The following PXDNL variants were observed in gnomAD, a reference collection of about 807,000 sequenced individuals.
PXDNL encodes peroxidasin like.
In PXDNL, 145 loss-of-function variants were observed where a neutral mutation model predicts 150.8. The observed-to-expected ratio is 0.96, with a 90% CI of 0.84 to 1.10. PXDNL has a LOEUF of 1.10. Ranked by LOEUF, PXDNL falls within the 50% of genes least tolerant of loss-of-function variation. PXDNL has a pLI of 0.00. For missense variants in PXDNL, 2,087 were observed against 1,873.9 expected (o/e 1.11, Z -2.10); for synonymous variants, 757 against 725.7 (o/e 1.04, Z -0.69).
chr8:51,518,201 C>T (rs1208937032), intron 4 of PXDNL, among the ~76,000 whole-genome samples: 1 of 152,162 alleles, frequency 6.6e-6, no homozygotes, highest in Non-Finnish European at 1.5e-5. Context: ...TCTGTGAGGA[C>T]TTCTGTAAAC....
intron 2 of PXDNL, among the ~76,000 whole-genome samples, chr8:51,596,432 G>T (rs1813565033): frequency 6.6e-6 from 1 of 152,090 alleles, no homozygotes; most frequent in Admixed American, 6.6e-5. Flanking sequence ...GGATTGCTGG[G>T]TCAACTGGTA....
At chr8:51,434,694 T>A (rs553201079) in intron 12 of PXDNL, among the ~76,000 whole-genome samples, 1 of 152,224 alleles carries the variant, frequency 6.6e-6, no homozygotes. Context: ...AATTCTAGTA[T>A]GCTCTACTGA....
chr8:51,744,363 G>A (rs936788630), intron 1 of PXDNL, among the ~76,000 whole-genome samples: 18 of 150,964 alleles, frequency 1.2e-4, no homozygotes, highest in Non-Finnish European at 2.4e-4. Flanking sequence ...AGAAAAGAGA[G>A]AGAAAGAGAA....
At chr8:51,395,419 A>G (rs1808050748) in intron 17 of PXDNL, among the ~76,000 whole-genome samples, 1 of 152,198 alleles carries the variant, frequency 6.6e-6, no homozygotes, top group African/African-American at 2.4e-5. Context: ...GACTTAATAA[A>G]TGTCTGTGAA....
At chr8:51,799,424 T>C (rs983711156) in intron 1 of PXDNL, among the ~76,000 whole-genome samples, 2 of 152,160 alleles carry the variant, frequency 1.3e-5, no homozygotes, top group Non-Finnish European at 1.5e-5. Context: ...GATATCTTCC[T>C]GAGAAAATGT....
At chr8:51,571,083 A>C (rs1172949819) in intron 3 of PXDNL, among the ~76,000 whole-genome samples, 4 of 150,704 alleles carry the variant, frequency 2.7e-5, no homozygotes, top group African/African-American at 9.9e-5. Flanking sequence ...CCCTTATATC[A>C]GTTCTTTTTT....
intron 4 of PXDNL, among the ~76,000 whole-genome samples, chr8:51,520,085 C>CA (rs1047169336): frequency 1.8e-4 from 28 of 152,134 alleles, no homozygotes; most frequent in African/African-American, 6.8e-4. Context: ...GGAAGGAGTT[C>CA]ACTGAGACCC....
chr8:51,805,597 C>G (rs1329051551), intron 1 of PXDNL, among the ~76,000 whole-genome samples: 1 of 151,742 alleles, frequency 6.6e-6, no homozygotes, highest in African/African-American at 2.4e-5. Flanking sequence ...TTTCCCCACC[C>G]CCATCTTGTT....
At chr8:51,741,490 C>T (rs2036906237) in intron 1 of PXDNL, among the ~76,000 whole-genome samples, 1 of 151,954 alleles carries the variant, frequency 6.6e-6, no homozygotes, top group Non-Finnish European at 1.5e-5. Context: ...CTAAGTTTTA[C>T]AAGGAAAGAC....
At chr8:51,717,486 C>T (rs34773755) in intron 1 of PXDNL, among the ~76,000 whole-genome samples, 23,107 of 152,200 alleles carry the variant, frequency 0.15, 2,137 homozygotes, top group Non-Finnish European at 0.21. Flanking sequence ...TCTGTTGCTG[C>T]CATCCCATCA....
In PXDNL at chr8:51,668,172, C is replaced by CTTTTTTTTTTT. The variant is rs765738861; in HGVS notation, c.165-13413_165-13412insAAAAAAAAAAA. 6.2e-3 allele frequency among the ~76,000 whole-genome samples: 162 copies of CTTTTTTTTTTT among 26,018 alleles called. 3 individuals carry two copies. Among genetic ancestry groups the CTTTTTTTTTTT allele is most frequent in the Non-Finnish European group, 7.7e-3 (122 of 15,804 alleles). The allele number at this position is 26,018 out of a possible 152,430, so 17.1% of individuals were successfully genotyped here. A position where few individuals can be genotyped will look rare whatever the true frequency, so the allele number is the denominator to read the frequency against. On this transcript the variant is annotated intron_variant, in intron 1 of 22. Coordinates refer to ENST00000356297, the MANE Select transcript of PXDNL (RefSeq NM_144651.5). ...CATAATACAAGGCTTCCTTCTCGCT[C>CTTTTTTTTTTT]TCTCTTTTTTTTTTTTTTTTTGAGA...
intron 2 of PXDNL, among the ~76,000 whole-genome samples, chr8:51,628,633 G>A (rs1241348987): frequency 1.3e-5 from 2 of 151,434 alleles, no homozygotes; most frequent in East Asian, 1.9e-4. Context: ...TCGATCTCCT[G>A]ACCTTGTGAT....
chr8:51,597,859 C>T (rs1813609210), intron 2 of PXDNL, among the ~76,000 whole-genome samples: 1 of 151,942 alleles, frequency 6.6e-6, no homozygotes, highest in Non-Finnish European at 1.5e-5. Context: ...GGATTACAGG[C>T]ATGTGCCACC....
At chr8:51,750,162 T>G (rs1172042122) in intron 1 of PXDNL, among the ~76,000 whole-genome samples, 1 of 152,204 alleles carries the variant, frequency 6.6e-6, no homozygotes, top group African/African-American at 2.4e-5. Context: ...AAAAAATTTT[T>G]ATATCCTTAT....
At position 51,449,118 on chromosome 8, in the gene PXDNL, G is replaced by T; in HGVS notation, c.1250C>A (p.Ala417Asp). ...GGGGGTTACTGTAAATTGTGGAGGA[G>T]CTAAAGAGAATGAAACATACATCAA... ...VQAAANIIVQ[A>D]PPQFTVTPKD... Residue 417 changes from alanine to aspartate, a missense_variant and splice_region_variant, in exon 11 of 23, where the codon GCT becomes GAT. By Grantham distance (126) the Ala-to-Asp change is moderately radical. Coordinates refer to ENST00000356297, the MANE Select transcript of PXDNL (RefSeq NM_144651.5). The T allele has an allele frequency of 6.6e-7, 1 of 1,504,500 alleles. No homozygotes were observed. Among genetic ancestry groups the T allele is most frequent in the Non-Finnish European group, 9.0e-7 (1 of 1,111,562 alleles). 93.2% of individuals were successfully genotyped at this position (1,504,500 alleles called of 1,614,324 possible).
chr8:51,403,661 A>G (rs927656790), intron 17 of PXDNL, among the ~76,000 whole-genome samples: 2 of 152,200 alleles, frequency 1.3e-5, no homozygotes, highest in African/African-American at 4.8e-5. Flanking sequence ...ACTCACAGCC[A>G]GGTCTTTCAC....
chr8:51,797,682 A>C (rs1199873561), intron 1 of PXDNL, among the ~76,000 whole-genome samples: 1 of 151,982 alleles, frequency 6.6e-6, no homozygotes, highest in East Asian at 1.9e-4. Context: ...AGAGGACACA[A>C]ACAAATGGAA....
intron 1 of PXDNL, among the ~76,000 whole-genome samples, chr8:51,767,296 G>A (rs796157636): frequency 6.6e-5 from 10 of 151,338 alleles, no homozygotes; most frequent in African/African-American, 2.4e-4. Flanking sequence ...TCCTTTCTCT[G>A]TGAAAACTGA....
chr8:51,448,971 TC>T (rs1809744414), intron 11 of PXDNL, 30 bp downstream of exon 11: 2 of 1,157,852 alleles, frequency 1.7e-6, no homozygotes, highest in African/African-American at 3.1e-5. Context: ...CACTTATTTT[TC>T]CCCACAATTA....
Sources: gnomAD v4.1 joint callset for allele counts (sites outside exome capture counted in the v4.1 genomes callset) on GRCh38, gnomAD v4.1.1 for gene constraint, MANE v1.5 for transcripts, NCBI Gene and HGNC (gene_info 2026-07-23, HGNC 2026-07-21) for gene names.